Variants in NTN4 observed in about 807,000 individuals in gnomAD.
NTN4 encodes the protein netrin-4.
A neutral mutation model predicts 73.6 loss-of-function variants in NTN4; 32 were observed. The observed-to-expected ratio is 0.44, with a 90% CI of 0.33 to 0.58. NTN4 has a LOEUF of 0.58. NTN4 is among the 20% of genes least tolerant of loss of function. The pLI is 0.04. For missense variants in NTN4, 654 were observed against 798.3 expected, an observed-to-expected ratio of 0.82 and a Z score of 2.18; for synonymous variants, 258 against 287.5, an observed-to-expected ratio of 0.90 and a Z score of 1.04.
At chr12:95,688,900 T>TG (rs148429916) in intron 5 of NTN4, among the ~76,000 whole-genome samples, 6,187 of 152,108 alleles carry the variant, frequency 0.041, 411 homozygotes, top group African/African-American at 0.14. Flanking sequence ...AGGAGGTCAT[T>TG]GGTGACTTTT....
intron 3 of NTN4, among the ~76,000 whole-genome samples, chr12:95,720,183 A>G (rs926890696): frequency 6.6e-6 from 1 of 152,214 alleles, no homozygotes; most frequent in Non-Finnish European, 1.5e-5. Flanking sequence ...GCAAATCCTT[A>G]TATTATTAGC....
intron 2 of NTN4, among the ~76,000 whole-genome samples, chr12:95,754,896 A>T (rs900457423): frequency 6.6e-6 from 1 of 152,188 alleles, no homozygotes; most frequent in Non-Finnish European, 1.5e-5. Flanking sequence ...TGAAAGTATT[A>T]TAAAGCCATC....
chr12:95,666,663 T>C (rs2078183073), intron 8 of NTN4, among the ~76,000 whole-genome samples: 1 of 152,212 alleles, frequency 6.6e-6, no homozygotes, highest in African/African-American at 2.4e-5. Flanking sequence ...TTATCCTGGC[T>C]TTTATTTAGG....
At position 95,790,144 on chromosome 12, in the gene NTN4, G is replaced by C; in HGVS notation, c.55+111C>G. On this transcript the variant is annotated intron_variant, in intron 1 of 9. Transcript: ENST00000343702. This position sits in a 1 kb window ranked among gnomAD's most constrained non-coding sequence, Gnocchi z 6.5. The stretch of plus-strand genomic sequence containing the variant: ...GAACATGGCCACTCATTTCACCCTC[G>C]GGAGCAGCGCTCTGCGCTCGCAGCC... 1.1e-6 allele frequency: 1 copy of C among 925,374 alleles called. No homozygotes were observed. The highest frequency in any genetic ancestry group is 1.6e-6 in the Non-Finnish European group (1 of 630,926). 57.3% of individuals were successfully genotyped at this position (925,374 alleles called of 1,614,324 possible).
intron 5 of NTN4, among the ~76,000 whole-genome samples, chr12:95,686,100 T>C: frequency 6.6e-6 from 1 of 152,026 alleles, no homozygotes; most frequent in East Asian, 1.9e-4. Flanking sequence ...ACTATGTTGC[T>C]CAGGCAGTCT....
At chr12:95,783,895 C>T (rs1468954163) in intron 2 of NTN4, among the ~76,000 whole-genome samples, 2 of 152,168 alleles carry the variant, frequency 1.3e-5, no homozygotes, top group Non-Finnish European at 2.9e-5. Context: ...TGACTGGTGC[C>T]TTCCACTCTG....
chr12:95,683,348 C>T, intron 6 of NTN4, 150 bp downstream of exon 6: 2 of 733,420 alleles, frequency 2.7e-6, no homozygotes, highest in Non-Finnish European at 4.4e-6. Flanking sequence ...AGGCGTGAGC[C>T]ACCACGCCCA....
At chr12:95,693,491 G>A (rs988941683) in intron 5 of NTN4, among the ~76,000 whole-genome samples, 2 of 152,038 alleles carry the variant, frequency 1.3e-5, no homozygotes, top group African/African-American at 4.8e-5. Flanking sequence ...AGCACTTTGA[G>A]AGGGCGAGGC....
At chr12:95,721,696 G>A (rs78636438) in intron 3 of NTN4, among the ~76,000 whole-genome samples, 2,636 of 152,328 alleles carry the variant, frequency 0.017, 40 homozygotes, top group African/African-American at 0.036. Flanking sequence ...TTTAAATCTA[G>A]TTATGAAGAA....
In NTN4 at chr12:95,732,376, T is replaced by C. The variant is rs1030803011; in HGVS notation, c.864+5490A>G. The stretch of plus-strand genomic sequence containing the variant: ...ATCTTAAAGATTGAAGAGCTTTCTT[T>C]TCTCTCTCTCTTTCTTCCTCTTTTT... On this transcript the variant is annotated intron_variant, in intron 3 of 9. Coordinates refer to ENST00000343702, the MANE Select transcript of NTN4 (RefSeq NM_021229.4). Among the ~76,000 whole-genome samples the C allele has an allele frequency of 2.0e-5, 3 of 150,868 alleles. No individual in the cohort carries two copies. In the Admixed American group the frequency reaches 2.0e-4, roughly 10 times the overall value.
Position 95,780,844 on chromosome 12 carries a change from A to T in NTN4, c.585+6095T>A, listed in dbSNP as rs141305086. On this transcript the variant is annotated intron_variant, in intron 2 of 9. Coordinates refer to ENST00000343702, the MANE Select transcript of NTN4 (RefSeq NM_021229.4). Reference sequence around the variant, plus strand: ...GTAAGTCATGCTGCTATAAAGATACATGCACACATGTTTATTGCAGCACTA... The same window carrying T: ...GTAAGTCATGCTGCTATAAAGATACTTGCACACATGTTTATTGCAGCACTA... 5.2e-3 allele frequency among the ~76,000 whole-genome samples: 798 copies of T among 152,316 alleles called. 11 individuals carry two copies. The highest frequency in any genetic ancestry group is 0.018 in the African/African-American group (729 of 41,570).
intron 7 of NTN4, chr12:95,673,201 T>C (rs2078247554): frequency 2.1e-6 from 1 of 470,326 alleles, no homozygotes; most frequent in Admixed American, 3.3e-5. Context: ...TGAGGACCAG[T>C]GGCTCCCATT....
chr12:95,739,173 T>A (rs966152016), intron 2 of NTN4, among the ~76,000 whole-genome samples: 1 of 152,232 alleles, frequency 6.6e-6, no homozygotes, highest in Non-Finnish European at 1.5e-5. Flanking sequence ...ACAAATTAAT[T>A]AATTTAACAT....
intron 2 of NTN4, among the ~76,000 whole-genome samples, chr12:95,756,792 TTCCTGGAAAGC>T (rs528688647): frequency 5.3e-4 from 80 of 152,124 alleles, no homozygotes; most frequent in Non-Finnish European, 9.3e-4. Context: ...CCCCTTTCTG[TTCCTGGAAAGC>T]TCCATGAACT....
intron 2 of NTN4, among the ~76,000 whole-genome samples, chr12:95,742,447 G>T (rs1056675463): frequency 1.3e-5 from 2 of 151,594 alleles, no homozygotes; most frequent in Non-Finnish European, 2.9e-5. Context: ...AGTGTGAACA[G>T]AATAAGGAAT....
At chr12:95,691,274 AAC>A (rs1426751430) in intron 5 of NTN4, among the ~76,000 whole-genome samples, 1 of 152,210 alleles carries the variant, frequency 6.6e-6, no homozygotes, top group Non-Finnish European at 1.5e-5. Context: ...CTGATTCCCC[AAC>A]ACATATTTCT....
intron 4 of NTN4, among the ~76,000 whole-genome samples, chr12:95,712,014 A>G (rs2078567887): frequency 6.6e-6 from 1 of 152,316 alleles, no homozygotes; most frequent in South Asian, 2.1e-4. Flanking sequence ...AATCCTTTAC[A>G]TTTCCTAGAA....
intron 2 of NTN4, chr12:95,739,989 G>A (rs1415069771): frequency 6.6e-6 from 1 of 152,264 alleles, no homozygotes; most frequent in African/African-American, 2.4e-5. Context: ...CCCAGACAGT[G>A]GGAGCTGAAT....
chr12:95,711,990 G>T (rs7305982), intron 4 of NTN4, among the ~76,000 whole-genome samples: 123,614 of 152,216 alleles, frequency 0.81, 50,303 homozygotes, highest in South Asian at 0.86. Flanking sequence ...AATTTAAGAT[G>T]GATTCTTACA....
Sources: gnomAD v4.1 joint callset for allele counts (sites outside exome capture counted in the v4.1 genomes callset) on GRCh38, gnomAD v4.1.1 for gene constraint, Gnocchi (gnomAD v3.1) non-coding constraint, MANE v1.5 for transcripts, NCBI Gene and HGNC (gene_info 2026-07-23, HGNC 2026-07-21) for gene names.